PGBD2: variants seen among roughly 807,000 people sequenced by gnomAD.
PGBD2 encodes the protein piggyBac transposable element derived 2.
Under a neutral mutation model 8.1 loss-of-function variants are expected in PGBD2, and 6 were observed. The ratio of observed to expected loss-of-function variants is 0.74; its 90% confidence interval spans 0.40 to 1.46. The LOEUF (loss-of-function observed/expected upper bound fraction) is 1.46, where lower values mean the gene tolerates loss of function less well. Ranked by LOEUF, PGBD2 falls within the 40% of genes most tolerant of loss-of-function variation. The pLI, the probability that PGBD2 is intolerant of heterozygous loss-of-function variation, is 0.02. For synonymous variants in PGBD2, 318 were observed against 272.2 expected, an observed-to-expected ratio of 1.17 and a Z score of -1.66; for missense variants, 802 against 739.0, an observed-to-expected ratio of 1.09 and a Z score of -0.99.
rs1341809864 is a variant in PGBD2 at position 248,916,730 on chromosome 1, A to G, written c.146A>G (p.Asn49Ser). ...GAGATTTTCATTGCACCTCCCGACA[A>G]TGCTGCGGGGGAATTCACTGATGAG... ...REEIFIAPPDNAAGEFTDEDS... is the reference protein window; with the variant it reads ...REEIFIAPPDSAAGEFTDEDS... Residue 49 changes from asparagine (N) to serine (S), a missense_variant, in exon 3 of 3, where the codon AAT (asparagine) becomes AGT (serine). By Grantham distance (46) the Asn-to-Ser change is conservative (BLOSUM62 1). Transcript: ENST00000329291. 1.2e-6 allele frequency: 2 copies of G among 1,614,156 alleles called. No individual in the cohort carries two copies. The highest frequency in any genetic ancestry group is 1.7e-6 in the Non-Finnish European group (2 of 1,180,020).
At chr1:248,912,992 G>A (rs1189173569) in intron 1 of PGBD2, among the ~76,000 whole-genome samples, 1 of 151,886 alleles carries the variant, frequency 6.6e-6, no homozygotes, top group Admixed American at 6.6e-5. Context: ...AGTAGACACG[G>A]GGTTTCTCCA....
At chr1:248,903,171 A>G (rs1156806250), upstream of PGBD2, among the ~76,000 whole-genome samples, 1 of 151,858 alleles carries the variant, frequency 6.6e-6, no homozygotes, top group Non-Finnish European at 1.5e-5. Context: ...CTCCCTATCA[A>G]CTAATTCTTA....
the PGBD2 span, among the ~76,000 whole-genome samples, chr1:248,900,525 C>A: frequency 6.6e-6 from 1 of 152,112 alleles, no homozygotes; most frequent in African/African-American, 2.4e-5. Context: ...CATAAAAGAT[C>A]TTTGATAAAA....
chr1:248,904,569 C>T (rs1029168881), upstream of PGBD2, among the ~76,000 whole-genome samples: 1 of 152,182 alleles, frequency 6.6e-6, no homozygotes, highest in African/African-American at 2.4e-5. Context: ...CCTTGTTGAA[C>T]TCACCCCCTC....
the PGBD2 span, among the ~76,000 whole-genome samples, chr1:248,892,198 A>G: frequency 6.6e-6 from 1 of 152,068 alleles, no homozygotes; most frequent in Non-Finnish European, 1.5e-5. Flanking sequence ...GGGTTAATGC[A>G]TAGTTACAAC....
chr1:248,903,871 A>G (rs959582988), upstream of PGBD2, among the ~76,000 whole-genome samples: 1 of 152,218 alleles, frequency 6.6e-6, no homozygotes, highest in Non-Finnish European at 1.5e-5. Context: ...GTAGTCAGCA[A>G]CTTGTAGCTG....
intron 1 of PGBD2, among the ~76,000 whole-genome samples, chr1:248,907,525 T>C (rs566660320): frequency 1.6e-4 from 24 of 152,110 alleles, no homozygotes; most frequent in Middle Eastern, 3.4e-3. Flanking sequence ...CCCACGAGGC[T>C]GTATTTCAGA....
chr1:248,924,499 T>C (rs1192185795), downstream of PGBD2, among the ~76,000 whole-genome samples: 1 of 152,228 alleles, frequency 6.6e-6, no homozygotes, highest in Non-Finnish European at 1.5e-5. Flanking sequence ...GACTTCTCAA[T>C]TTCATTAAAT....
chr1:248,929,019 A>G, the PGBD2 span, among the ~76,000 whole-genome samples: 3 of 152,208 alleles, frequency 2.0e-5, no homozygotes, highest in African/African-American at 7.2e-5. Context: ...TCTCCTTCAA[A>G]TGCTACTGTA....
At chr1:248,896,783 T>C in the PGBD2 span, among the ~76,000 whole-genome samples, 1 of 152,092 alleles carries the variant, frequency 6.6e-6, no homozygotes, top group Non-Finnish European at 1.5e-5. Context: ...CAGTGACCCA[T>C]GGAGAGCAAG....
the PGBD2 span, among the ~76,000 whole-genome samples, chr1:248,886,444 A>G: frequency 6.6e-6 from 1 of 152,204 alleles, no homozygotes; most frequent in Admixed American, 6.5e-5. Flanking sequence ...TCCTTCAGAG[A>G]TCATTTGTAC....
At chr1:248,922,338 C>T (rs1160647603), downstream of PGBD2, among the ~76,000 whole-genome samples, 2 of 152,130 alleles carry the variant, frequency 1.3e-5, no homozygotes, top group African/African-American at 2.4e-5. Context: ...GGATTACAGA[C>T]GTGAGCCACC....
the PGBD2 span, among the ~76,000 whole-genome samples, chr1:248,875,999 CT>C: frequency 0.069 from 9,599 of 139,504 alleles, 909 homozygotes; most frequent in African/African-American, 0.22. Context: ...TTAAACTGTT[CT>C]TTTTTTTTTT....
At position 248,913,338 on chromosome 1, in the gene PGBD2, G is replaced by T. The variant is rs916911713; in HGVS notation, c.-47-478G>T. Among the ~76,000 whole-genome samples the T allele has an allele frequency of 7.4e-4, 113 of 152,152 alleles. 3 individuals are homozygous for T. The highest frequency in any genetic ancestry group is 1.9e-4 in the Non-Finnish European group (13 of 68,032). On this transcript the variant is annotated intron_variant, in intron 1 of 2. Transcript: ENST00000329291. ...GGGTATTTATAGTTATATAAGTGGTGTTCTGCACTTTCTCTCTGCAGCTTT... is the reference window on the plus strand; with the variant it reads ...GGGTATTTATAGTTATATAAGTGGTTTTCTGCACTTTCTCTCTGCAGCTTT...
the PGBD2 span, among the ~76,000 whole-genome samples, chr1:248,875,357 T>C: frequency 7.2e-6 from 1 of 139,280 alleles, no homozygotes; most frequent in South Asian, 2.4e-4. Context: ...AAAGTTGAGA[T>C]CTGTAAAACT....
chr1:248,916,495 A>T (rs1259592622), intron 2 of PGBD2, 107 bp from the exon 3 acceptor site: 9 of 868,048 alleles, frequency 1.0e-5, no homozygotes, highest in African/African-American at 1.0e-4. Context: ...AGATCTGTGA[A>T]GCCATTCAAG....
At chr1:248,909,832 A>C (rs1448772390) in intron 1 of PGBD2, among the ~76,000 whole-genome samples, 1 of 152,198 alleles carries the variant, frequency 6.6e-6, no homozygotes, top group Non-Finnish European at 1.5e-5. Flanking sequence ...GGATACAAGA[A>C]ACTGGACCAG....
upstream of PGBD2, among the ~76,000 whole-genome samples, chr1:248,901,402 A>G (rs1661530463): frequency 6.6e-6 from 1 of 152,190 alleles, no homozygotes; most frequent in South Asian, 2.1e-4. Flanking sequence ...CACATAGATC[A>G]ATGGAACAGA....
the PGBD2 span, among the ~76,000 whole-genome samples, chr1:248,890,221 C>T: frequency 2.0e-5 from 3 of 152,128 alleles, no homozygotes; most frequent in Admixed American, 6.5e-5. Context: ...TCTCTGCACC[C>T]GGCCTGAATC....
Sources: allele counts gnomAD v4.1 joint callset (sites outside exome capture counted in the v4.1 genomes callset), GRCh38; gene constraint gnomAD v4.1.1; transcripts MANE v1.5; gene names NCBI Gene and HGNC (gene_info 2026-07-23, HGNC 2026-07-21).